Variants in KIZ observed in about 807,000 individuals in gnomAD.
KIZ encodes the protein kizuna centrosomal protein.
KIZ carries 68 observed loss-of-function variants against 79.6 expected under a neutral mutation model. That is an observed-to-expected ratio of 0.85 (90% CI 0.70 to 1.05). The LOEUF (loss-of-function observed/expected upper bound fraction) is 1.05, where lower values mean the gene tolerates loss of function less well. Among genes scored for constraint, KIZ ranks in the 50% least tolerant of loss-of-function variants. The pLI is 0.00. For synonymous variants in KIZ, 280 were observed against 281.8 expected (o/e 0.99, Z 0.06); for missense variants, 797 against 800.4 (o/e 1.00, Z 0.05).
chr20:21,168,073 C>T (rs2034030640), intron 6 of KIZ, among the ~76,000 whole-genome samples: 1 of 152,096 alleles, frequency 6.6e-6, no homozygotes, highest in Admixed American at 6.5e-5. Flanking sequence ...CCTCCCCACT[C>T]CCCTACCCCA....
At chr20:21,189,719 C>A (rs1280340058) in intron 6 of KIZ, among the ~76,000 whole-genome samples, 2 of 152,186 alleles carry the variant, frequency 1.3e-5, no homozygotes, top group Non-Finnish European at 2.9e-5. Context: ...GCCCATAATT[C>A]AAGCTGTCAG....
intron 7 of KIZ, 85 bp from the exon 8 acceptor site, chr20:21,214,450 T>C: frequency 1.1e-6 from 1 of 897,570 alleles, no homozygotes; most frequent in Non-Finnish European, 1.7e-6. Context: ...AACTTAAAAT[T>C]ATATTTGAAG....
chr20:21,126,126 C>T lies in KIZ; in HGVS notation c.11C>T (p.Thr4Ile), dbSNP rs907630303. 4.0e-6 allele frequency: 6 copies of T among 1,515,080 alleles called. No individual in the cohort carries two copies. The highest frequency in any genetic ancestry group is 2.9e-5 in the African/African-American group (2 of 69,370). 93.9% of individuals were successfully genotyped at this position (1,515,080 alleles called of 1,614,324 possible). Residue 4 changes from threonine (T) to isoleucine (I), a missense_variant, in exon 1 of 13, where the codon ACC (threonine) becomes ATC (isoleucine). Coordinates refer to ENST00000619189, the MANE Select transcript of KIZ (RefSeq NM_018474.6). ...CGCAGCGGCAGCAGCATGAGCCGGACCCTCGCATCGGCCGTGCCCCTGTCG... is the reference window on the plus strand; with the variant it reads ...CGCAGCGGCAGCAGCATGAGCCGGATCCTCGCATCGGCCGTGCCCCTGTCG... MSR[T>I]LASAVPLSSP...
chr20:21,205,806 C>G (rs190318163), intron 7 of KIZ, among the ~76,000 whole-genome samples: 12 of 151,968 alleles, frequency 7.9e-5, no homozygotes, highest in Admixed American at 5.2e-4. Flanking sequence ...ATTAAAAGTA[C>G]AAAAATTAGC....
At chr20:21,175,809 G>GT (rs2034407535) in intron 6 of KIZ, among the ~76,000 whole-genome samples, 1 of 152,186 alleles carries the variant, frequency 6.6e-6, no homozygotes, top group African/African-American at 2.4e-5. Flanking sequence ...GTGGTCAGGA[G>GT]TTTGAGACCA....
chr20:21,242,281 A>G (rs764944656), intron 11 of KIZ, among the ~76,000 whole-genome samples: 5 of 152,230 alleles, frequency 3.3e-5, no homozygotes, highest in Non-Finnish European at 4.4e-5. Context: ...TGGGGGATCC[A>G]CCTTGGAGGC....
At position 21,157,140 on chromosome 20, in the gene KIZ, T is replaced by C. The variant is rs1470153272; in HGVS notation, c.406-4731T>C. Among the ~76,000 whole-genome samples the C allele has an allele frequency of 5.3e-5, 8 of 152,038 alleles. No individual in the cohort carries two copies. In the East Asian group the frequency reaches 1.5e-3, roughly 29 times the overall value. Reference sequence around the variant, plus strand: ...TTATGTCAAAATAAAAAGTTACTGGTTCCTATAAATAATACTGGCAACAAC... The same window carrying C: ...TTATGTCAAAATAAAAAGTTACTGGCTCCTATAAATAATACTGGCAACAAC... On this transcript the variant is annotated intron_variant, in intron 4 of 12. Coordinates refer to ENST00000619189, the MANE Select transcript of KIZ (RefSeq NM_018474.6).
At chr20:21,204,298 G>A (rs575135948) in intron 6 of KIZ, among the ~76,000 whole-genome samples, 5 of 150,724 alleles carry the variant, frequency 3.3e-5, no homozygotes, top group Non-Finnish European at 7.4e-5. Flanking sequence ...TGTATTTTTA[G>A]TAGAGACGGG....
At chr20:21,174,332 A>G (rs1470319063) in intron 6 of KIZ, among the ~76,000 whole-genome samples, 3 of 152,194 alleles carry the variant, frequency 2.0e-5, no homozygotes, top group Admixed American at 6.5e-5. Context: ...GTTATGTAAC[A>G]TATTGAAAGT....
intron 10 of KIZ, among the ~76,000 whole-genome samples, chr20:21,229,749 A>AT (rs914514225): frequency 1.3e-5 from 2 of 151,588 alleles, no homozygotes; most frequent in Admixed American, 6.6e-5. Context: ...TAATTTTTGT[A>AT]TTTTTTTGTA....
intron 9 of KIZ, among the ~76,000 whole-genome samples, chr20:21,217,012 G>A (rs1443787445): frequency 6.6e-6 from 1 of 152,166 alleles, no homozygotes; most frequent in Non-Finnish European, 1.5e-5. Context: ...ATGGCTAGAA[G>A]CAACTTGGGC....
chr20:21,180,238 C>CTT (rs779806726), intron 6 of KIZ, among the ~76,000 whole-genome samples: 7 of 132,786 alleles, frequency 5.3e-5, no homozygotes, highest in Admixed American at 1.5e-4. Context: ...CTCTTTGCTC[C>CTT]TTTTTTTTTT....
intron 6 of KIZ, among the ~76,000 whole-genome samples, chr20:21,176,919 T>G (rs1328160381): frequency 6.6e-6 from 1 of 152,224 alleles, no homozygotes; most frequent in Non-Finnish European, 1.5e-5. Flanking sequence ...TTCATCCATG[T>G]CAAGATGTGT....
chr20:21,133,078 A>G (rs1205740171), intron 2 of KIZ: 1 of 152,242 alleles, frequency 6.6e-6, no homozygotes, highest in African/African-American at 2.4e-5. Flanking sequence ...CATATGAAGA[A>G]CTTCTGGCTT....
chr20:21,175,035 C>T (rs1234520715), intron 6 of KIZ, among the ~76,000 whole-genome samples: 1 of 152,250 alleles, frequency 6.6e-6, no homozygotes, highest in African/African-American at 2.4e-5. Flanking sequence ...TTGCCTGTTT[C>T]TCTTGAACAT....
chr20:21,210,762 CT>C (rs11288900), intron 7 of KIZ, among the ~76,000 whole-genome samples: 49,503 of 145,816 alleles, frequency 0.34, 8,084 homozygotes, highest in East Asian at 0.42. Flanking sequence ...ATACTATCAG[CT>C]TTTTTTTTTT....
intron 9 of KIZ, among the ~76,000 whole-genome samples, chr20:21,224,400 C>T (rs552818945): frequency 6.6e-6 from 1 of 152,160 alleles, no homozygotes; most frequent in Admixed American, 6.5e-5. Flanking sequence ...GCAAAAATGA[C>T]CAAGTTTGCA....
At chr20:21,207,575 C>A (rs919748645) in intron 7 of KIZ, among the ~76,000 whole-genome samples, 1 of 151,086 alleles carries the variant, frequency 6.6e-6, no homozygotes, top group African/African-American at 2.4e-5. Context: ...TCCCTCCCCC[C>A]TTTCCCTTAG....
intron 5 of KIZ, 35 bp from the exon 6 acceptor site, chr20:21,162,815 A>G (rs1275369994): frequency 1.3e-6 from 2 of 1,556,454 alleles, no homozygotes; most frequent in South Asian, 1.2e-5. Flanking sequence ...TCCTGAAGTC[A>G]GTGATTGGTA....
Sources: allele counts gnomAD v4.1 joint callset (sites outside exome capture counted in the v4.1 genomes callset), GRCh38; gene constraint gnomAD v4.1.1; transcripts MANE v1.5; gene names NCBI Gene and HGNC (gene_info 2026-07-23, HGNC 2026-07-21).